Variants in MEMO1 observed in about 807,000 individuals in gnomAD.
MEMO1 encodes the protein protein MEMO1.
MEMO1 carries 6 observed loss-of-function variants against 45.2 expected under a neutral mutation model. The ratio of observed to expected loss-of-function variants is 0.13; its 90% CI spans 0.07 to 0.26. The LOEUF is 0.26. MEMO1 is among the 10% of genes least tolerant of loss of function. The pLI is 1.00. For missense variants in MEMO1, 184 were observed against 370.5 expected (o/e 0.50, Z 4.13); for synonymous variants, 78 against 124.3 (o/e 0.63, Z 2.48).
chr2:31,952,076 G>A (rs1437980116), intron 2 of MEMO1, among the ~76,000 whole-genome samples: 1 of 152,104 alleles, frequency 6.6e-6, no homozygotes, highest in African/African-American at 2.4e-5. Context: ...GTCACAGCAA[G>A]TCTGATCCAA....
intron 4 of MEMO1, among the ~76,000 whole-genome samples, chr2:31,924,045 G>A (rs558948327): frequency 1.3e-5 from 2 of 152,104 alleles, no homozygotes; most frequent in Middle Eastern, 6.8e-3. Flanking sequence ...GCCAAATCAA[G>A]TTCCATATTT....
At chr2:31,877,834 C>T (rs868800102) in intron 8 of MEMO1, among the ~76,000 whole-genome samples, 4 of 152,012 alleles carry the variant, frequency 2.6e-5, no homozygotes, top group Non-Finnish European at 5.9e-5. Context: ...ATTTCCTTTA[C>T]ATGTTACAGT....
chr2:31,883,210 T>C (rs1482689578), intron 8 of MEMO1, among the ~76,000 whole-genome samples, 176 bp downstream of exon 8: 2 of 152,140 alleles, frequency 1.3e-5, no homozygotes, highest in Non-Finnish European at 2.9e-5. Context: ...TGACGGAAAT[T>C]CCTACTAGAA....
At chr2:31,880,723 C>T (rs571366402) in intron 8 of MEMO1, among the ~76,000 whole-genome samples, 125 of 152,212 alleles carry the variant, frequency 8.2e-4, no homozygotes, top group African/African-American at 3.0e-3. Context: ...TGTCAGTGGT[C>T]ATAGAGAGCA....
chr2:31,967,088 G>C (rs1306707554), intron 2 of MEMO1, among the ~76,000 whole-genome samples: 1 of 151,452 alleles, frequency 6.6e-6, no homozygotes, highest in African/African-American at 2.4e-5. Flanking sequence ...AATATTAATA[G>C]GTCCCAATCA....
chr2:31,975,155 A>G (rs2148477517), intron 2 of MEMO1, among the ~76,000 whole-genome samples: 2 of 152,290 alleles, frequency 1.3e-5, no homozygotes, highest in Admixed American at 1.3e-4. Context: ...CTGGGTGACA[A>G]GAACAAAACT....
chr2:31,939,325 GCATGTCACAGAAACACAC>G (rs931544222), intron 3 of MEMO1, among the ~76,000 whole-genome samples: 5 of 152,036 alleles, frequency 3.3e-5, no homozygotes, highest in Admixed American at 2.0e-4. Context: ...TACAAAGTCA[GCATGTCACAGAAACACAC>G]CAAAGCCAAA....
intron 8 of MEMO1, among the ~76,000 whole-genome samples, chr2:31,870,826 C>T (rs952624710): frequency 6.6e-5 from 10 of 152,162 alleles, no homozygotes; most frequent in Non-Finnish European, 1.3e-4. Flanking sequence ...GATCTGCCCA[C>T]CTCAGCTTCC....
chr2:31,935,029 G>GT (rs1176979704), intron 3 of MEMO1, among the ~76,000 whole-genome samples: 2 of 152,164 alleles, frequency 1.3e-5, no homozygotes, highest in East Asian at 3.8e-4. Context: ...TACTTCCTAT[G>GT]TATCAGGCAT....
chr2:31,874,467 T>C lies in MEMO1; in HGVS notation c.658-4515A>G, dbSNP rs372021574. Among the ~76,000 whole-genome samples the C allele has an allele frequency of 4.0e-4, 61 of 152,212 alleles. 4 individuals carry two copies. The East Asian group carries it at 7.1e-3, about 18-fold the overall frequency. Reference sequence around the variant, plus strand: ...TTTATGTGTTTTTTCACATAATTAATTTCTAAGATATTCAAGTGCTAGAAA... The same window carrying C: ...TTTATGTGTTTTTTCACATAATTAACTTCTAAGATATTCAAGTGCTAGAAA... On this transcript the variant is annotated intron_variant, in intron 8 of 9. Transcript: ENST00000404530.
At chr2:31,987,288 C>T (rs757503654) in intron 2 of MEMO1, among the ~76,000 whole-genome samples, 96 of 152,176 alleles carry the variant, frequency 6.3e-4, no homozygotes, top group Non-Finnish European at 1.2e-3. Flanking sequence ...TGTGAGCCAC[C>T]TTGCCTGGAC....
chr2:31,920,285 C>T (rs978791489), intron 5 of MEMO1, among the ~76,000 whole-genome samples: 12 of 151,830 alleles, frequency 7.9e-5, no homozygotes, highest in Middle Eastern at 3.4e-3. Context: ...AATAAATCAA[C>T]CAAAATTGTA....
intron 2 of MEMO1, chr2:31,963,313 T>C (rs1396868309): frequency 1.4e-5 from 20 of 1,445,030 alleles, no homozygotes; most frequent in South Asian, 4.5e-5. Flanking sequence ...CAGATAGATA[T>C]AGATACAAAT....
chr2:31,968,725 C>T (rs1668921961), intron 2 of MEMO1, among the ~76,000 whole-genome samples: 1 of 152,108 alleles, frequency 6.6e-6, no homozygotes, highest in African/African-American at 2.4e-5. Flanking sequence ...TTAAGTGTTC[C>T]GTTTGTTTCA....
At chr2:31,883,844 T>A (rs1302338354) in intron 7 of MEMO1, among the ~76,000 whole-genome samples, 2 of 151,534 alleles carry the variant, frequency 1.3e-5, no homozygotes, top group Admixed American at 6.6e-5. Flanking sequence ...TATCTTGGTA[T>A]AACAAATCAC....
At chr2:31,890,723 C>G (rs1676848187) in intron 7 of MEMO1, among the ~76,000 whole-genome samples, 1 of 152,098 alleles carries the variant, frequency 6.6e-6, no homozygotes, top group African/African-American at 2.4e-5. Context: ...ACATTTTGGG[C>G]CTGGTAATTC....
chr2:31,935,872 G>A (rs556550945), intron 3 of MEMO1, among the ~76,000 whole-genome samples: 1 of 152,228 alleles, frequency 6.6e-6, no homozygotes, highest in South Asian at 2.1e-4. Context: ...GTGCATAACA[G>A]CCAAAACAAT....
At chr2:31,933,498 T>G (rs1664553046) in intron 3 of MEMO1, among the ~76,000 whole-genome samples, 1 of 150,908 alleles carries the variant, frequency 6.6e-6, no homozygotes, top group South Asian at 2.1e-4. Flanking sequence ...TGTGATAGTT[T>G]TATCCTCATA....
intron 6 of MEMO1, among the ~76,000 whole-genome samples, chr2:31,913,704 A>AC (rs1366684355): frequency 6.6e-6 from 1 of 152,202 alleles, no homozygotes; most frequent in Non-Finnish European, 1.5e-5. Flanking sequence ...CATAGCAGAT[A>AC]CGGTCAAGAC....
Sources: gnomAD v4.1 joint callset for allele counts (sites outside exome capture counted in the v4.1 genomes callset) on GRCh38, gnomAD v4.1.1 for gene constraint, MANE v1.5 for transcripts, NCBI Gene and HGNC (gene_info 2026-07-23, HGNC 2026-07-21) for gene names.